KIF16B: variants seen among roughly 807,000 people sequenced by gnomAD.
KIF16B encodes kinesin family member 16B.
In KIF16B, 98 loss-of-function variants were observed where a neutral mutation model predicts 156.3. The observed-to-expected ratio is 0.63, with a 90% confidence interval of 0.53 to 0.74. The LOEUF (loss-of-function observed/expected upper bound fraction) is 0.74. Among genes scored for constraint, KIF16B ranks in the 30% least tolerant of loss-of-function variants. The probability of loss-of-function intolerance (pLI) is 0.00; values close to 1 mark genes in which losing one functional copy is unlikely to be tolerated. For synonymous variants in KIF16B, 564 were observed against 583.7 expected, an observed-to-expected ratio of 0.97 and a Z score of 0.49; for missense variants, 1,421 against 1,606.5, an observed-to-expected ratio of 0.88 and a Z score of 1.97.
intron 25 of KIF16B, among the ~76,000 whole-genome samples, chr20:16,298,092 C>G (rs1225579279): frequency 1.3e-5 from 2 of 152,196 alleles, no homozygotes; most frequent in Non-Finnish European, 2.9e-5. Flanking sequence ...CCTCAACCAC[C>G]AATCTCACCT....
chr20:16,298,498 T>G (rs2063423765), intron 25 of KIF16B, among the ~76,000 whole-genome samples: 1 of 152,208 alleles, frequency 6.6e-6, no homozygotes, highest in Admixed American at 6.5e-5. Context: ...CTAGTTTATT[T>G]GTGTAGAGGT....
chr20:16,446,895 G>T (rs66831019), intron 12 of KIF16B, among the ~76,000 whole-genome samples: 3,771 of 152,110 alleles, frequency 0.025, 57 homozygotes, highest in Non-Finnish European at 0.032. Context: ...AAAATACTTG[G>T]ACTCACAATA....
chr20:16,540,208 A>G (rs2147225044), intron 1 of KIF16B, among the ~76,000 whole-genome samples: 1 of 152,344 alleles, frequency 6.6e-6, no homozygotes, highest in South Asian at 2.1e-4. Flanking sequence ...TAAAGCCAAA[A>G]TAATATGCGC....
At chr20:16,454,411 T>A (rs1402482115) in intron 12 of KIF16B, among the ~76,000 whole-genome samples, 1 of 150,216 alleles carries the variant, frequency 6.7e-6, no homozygotes, top group African/African-American at 2.4e-5. Context: ...TATGGATATA[T>A]GTTAAGGTGC....
At chr20:16,545,401 C>T (rs1046464123) in intron 1 of KIF16B, among the ~76,000 whole-genome samples, 3 of 150,568 alleles carry the variant, frequency 2.0e-5, no homozygotes, top group Non-Finnish European at 4.4e-5. Flanking sequence ...GAGGTGGCTC[C>T]CGCCTGTAAT....
intron 10 of KIF16B, among the ~76,000 whole-genome samples, chr20:16,498,110 G>T (rs2068506240): frequency 6.6e-6 from 1 of 152,112 alleles, no homozygotes; most frequent in Non-Finnish European, 1.5e-5. Context: ...TATTTTCACT[G>T]CTGATGGTAT....
At chr20:16,407,864 G>A (rs1285038563) in intron 15 of KIF16B, among the ~76,000 whole-genome samples, 1 of 152,080 alleles carries the variant, frequency 6.6e-6, no homozygotes, top group Non-Finnish European at 1.5e-5. Context: ...TCAAAGTCTG[G>A]AGAGTTCACA....
chr20:16,361,755 C>T (rs754652398), intron 22 of KIF16B, among the ~76,000 whole-genome samples: 71 of 152,134 alleles, frequency 4.7e-4, no homozygotes, highest in Admixed American at 3.3e-3. Context: ...TTAAGTTTAG[C>T]GGCCTTTGGA....
intron 12 of KIF16B, among the ~76,000 whole-genome samples, chr20:16,455,420 GGACT>G (rs2146635587): frequency 6.6e-6 from 1 of 151,750 alleles, no homozygotes; most frequent in African/African-American, 2.4e-5. Context: ...CCCTTTCAGA[GGACT>G]GACATGGACT....
intron 25 of KIF16B, among the ~76,000 whole-genome samples, chr20:16,278,701 T>C (rs1162643683): frequency 1.3e-5 from 2 of 152,162 alleles, no homozygotes; most frequent in East Asian, 1.9e-4. Context: ...TACAGGACTA[T>C]GAGCTTTTAA....
rs533180751 is a variant in KIF16B at position 16,526,043 on chromosome 20, T to C, written c.231+49A>G. 5 of 1,082,970 alleles carry C rather than the reference T, an allele frequency of 4.6e-6. No individual in the cohort carries two copies. In the East Asian group the frequency reaches 1.2e-4, roughly 26 times the overall value. 67.1% of individuals were successfully genotyped at this position (1,082,970 alleles called of 1,614,324 possible). A position where few individuals can be genotyped will look rare whatever the true frequency, so the allele number is the denominator to read the frequency against. ...AAGTATTTTAGGGTAGGCATGTTTT[T>C]CTCAATGTGAAAATAAATCAACATA... On this transcript the variant is annotated intron_variant, in intron 3 of 25. Transcript: ENST00000354981.
chr20:16,354,802 C>T (rs1019744773), intron 23 of KIF16B, among the ~76,000 whole-genome samples: 35 of 152,224 alleles, frequency 2.3e-4, no homozygotes, highest in Admixed American at 1.2e-3. Context: ...AAAAGTCAGC[C>T]GGACGTGGTG....
chr20:16,496,466 C>T (rs1322259744), intron 11 of KIF16B, among the ~76,000 whole-genome samples: 1 of 152,152 alleles, frequency 6.6e-6, no homozygotes, highest in African/African-American at 2.4e-5. Context: ...CAAACATGTG[C>T]TACTACTTCT....
chr20:16,414,478 A>T (rs534779505), intron 15 of KIF16B, among the ~76,000 whole-genome samples: 1 of 152,150 alleles, frequency 6.6e-6, no homozygotes, highest in South Asian at 2.1e-4. Flanking sequence ...TCAAATATGG[A>T]TTTACAATTT....
At chr20:16,441,339 G>C (rs922906658) in intron 12 of KIF16B, among the ~76,000 whole-genome samples, 3 of 152,036 alleles carry the variant, frequency 2.0e-5, no homozygotes, top group African/African-American at 7.3e-5. Context: ...TGTCCTACTA[G>C]GACAACCCTC....
Position 16,475,690 on chromosome 20 carries a change from G to T in KIF16B, c.1302+18601C>A, listed in dbSNP as rs561945588. Among the ~76,000 whole-genome samples the T allele has an allele frequency of 2.0e-5, 3 of 152,252 alleles. No individual in the cohort carries two copies. The South Asian group carries it at 6.2e-4, about 32-fold the overall frequency. ...AAGAACTTCCACAGTTGAAGATGAG[G>T]AAAATGAGAGGTAAAAGAAGAAATG... On this transcript the variant is annotated intron_variant, in intron 12 of 25. Transcript: ENST00000354981.
chr20:16,435,862 G>T (rs968869211), intron 12 of KIF16B, among the ~76,000 whole-genome samples: 23 of 152,186 alleles, frequency 1.5e-4, no homozygotes, highest in African/African-American at 5.1e-4. Context: ...GGCCTCAAAG[G>T]CTTTCTTTAT....
intron 1 of KIF16B, among the ~76,000 whole-genome samples, chr20:16,548,559 C>T (rs552225190): frequency 2.6e-5 from 4 of 152,290 alleles, no homozygotes; most frequent in African/African-American, 7.2e-5. Context: ...GTAAATGGCG[C>T]GTGCAAGGGA....
At chr20:16,337,554 T>A (rs1239686383) in intron 23 of KIF16B, among the ~76,000 whole-genome samples, 2 of 151,668 alleles carry the variant, frequency 1.3e-5, no homozygotes, top group Non-Finnish European at 3.0e-5. Flanking sequence ...CAAAAGTGAA[T>A]GTATTTACAG....
Sources: allele counts gnomAD v4.1 joint callset (sites outside exome capture counted in the v4.1 genomes callset), GRCh38; gene constraint gnomAD v4.1.1; transcripts MANE v1.5; gene names NCBI Gene and HGNC (gene_info 2026-07-23, HGNC 2026-07-21).